Variants in FBRS observed in about 807,000 individuals in gnomAD.
FBRS encodes the protein probable fibrosin-1.
A neutral mutation model predicts 86.1 loss-of-function variants in FBRS; 15 were observed. The observed-to-expected ratio is 0.17, with a 90% confidence interval of 0.12 to 0.27. FBRS has a LOEUF of 0.27. FBRS is among the 10% of genes least tolerant of loss of function. The probability of loss-of-function intolerance (pLI) is 1.00; values close to 1 mark genes in which losing one functional copy is unlikely to be tolerated. For synonymous variants in FBRS, 666 were observed against 575.8 expected (o/e 1.16, Z -2.24); for missense variants, 1,367 against 1,301.6 (o/e 1.05, Z -0.77).
chr16:30,664,929 C>T lies in FBRS; in HGVS notation c.1563+9C>T. 1 of 1,610,170 alleles carries T rather than the reference C, an allele frequency of 6.2e-7. No individual in the cohort carries two copies. Among genetic ancestry groups the T allele is most frequent in the Non-Finnish European group, 8.5e-7 (1 of 1,177,964 alleles). On this transcript the variant is annotated intron_variant, in intron 8 of 17. Transcript: ENST00000356166. ...CCCACGGCCCCCACATGGTGAGCTC[C>T]TCATTGGGCTGGCGATGAGGCTCGG...
intron 6 of FBRS, 154 bp downstream of exon 6, chr16:30,663,013 ATTT>A (rs1463998950): frequency 3.2e-6 from 4 of 1,259,638 alleles, no homozygotes. Flanking sequence ...TGCAGGACTT[ATTT>A]GAGTCCGTTA....
At position 30,666,521 on chromosome 16, in the gene FBRS, C is replaced by T; in HGVS notation, c.1783C>T (p.His595Tyr). 6.2e-7 allele frequency: 1 copy of T among 1,613,996 alleles called. No homozygotes were observed. The highest frequency in any genetic ancestry group is 8.5e-7 in the Non-Finnish European group (1 of 1,179,902). ...LSQKGTQIPD[H>Y]FRPPLRKPGK... ...CCTTTGCCATCCCCAGATCCCCGAC[C>T]ATTTCCGGCCACCTTTGAGGGTGAG... Residue 595 changes from histidine (H) to tyrosine (Y), a missense_variant, in exon 12 of 18, where the codon CAT (histidine) becomes TAT (tyrosine). His to Tyr is a moderately conservative substitution (Grantham distance 83). This residue lies in a region of FBRS where 659 missense variants were observed against 678.8 expected (regional missense o/e 0.97). Transcript: ENST00000356166.
At chr16:30,663,264 A>T (rs2151268188) in intron 6 of FBRS, among the ~76,000 whole-genome samples, 1 of 152,244 alleles carries the variant, frequency 6.6e-6, no homozygotes, top group African/African-American at 2.4e-5. Context: ...CTGAGCCTCG[A>T]TTTCCTCTTT....
rs1402907048 is a variant in FBRS at position 30,662,840 on chromosome 16, C to G, written c.1036C>G (p.Leu346Val). The change falls in exon 6 of 18, where the codon CTG (leucine) becomes GTG (valine). Residue 346 changes from leucine to valine, a missense_variant. Coordinates refer to ENST00000356166, the MANE Select transcript of FBRS (RefSeq NM_001105079.3). ...GLRTSPYGSS[L>V]DLSTGSSSRP... ...CCGCACTTCTCCATATGGCAGCAGC[C>G]TGGACCTCAGCACTGGCAGGTGAGT... is the stretch of plus-strand genomic sequence containing the variant. 6 of 1,455,200 alleles carry G rather than the reference C, an allele frequency of 4.1e-6. No homozygotes were observed. The highest frequency in any genetic ancestry group is 5.5e-6 in the Non-Finnish European group (6 of 1,099,402). 90.1% of individuals were successfully genotyped at this position (1,455,200 alleles called of 1,614,324 possible).
In FBRS at chr16:30,660,391, G is replaced by C; in HGVS notation, c.588G>C (p.Arg196=). ...ACAGCTCTGATCGAGAGCCTGGCCG[G>C]CCCCCTGGGGATCGGGCCCGAAAAT... ...PGDSSDREPG[R]PPGDRARKWP... Residue 196 remains arginine (R), a synonymous_variant, in exon 2 of 18, where the codon CGG becomes CGC. Transcript: ENST00000356166. 1 of 1,262,276 alleles carries C rather than the reference G, an allele frequency of 7.9e-7. No individual in the cohort carries two copies. Among genetic ancestry groups the C allele is most frequent in the Non-Finnish European group, 1.0e-6 (1 of 994,458 alleles). 78.2% of individuals were successfully genotyped at this position (1,262,276 alleles called of 1,614,324 possible). A position where few individuals can be genotyped will look rare whatever the true frequency, so the allele number is the denominator to read the frequency against.
Position 30,665,300 on chromosome 16 carries a change from C to T in FBRS, c.1609-6C>T, listed in dbSNP as rs1293746008. 6 of 1,559,486 alleles carry T rather than the reference C, an allele frequency of 3.8e-6. No individual in the cohort carries two copies. The East Asian group carries it at 1.2e-4, about 31-fold the overall frequency. On this transcript the variant is annotated splice_region_variant and splice_polypyrimidine_tract_variant and intron_variant, in intron 9 of 17. Transcript: ENST00000356166. This position sits in a 1 kb window ranked among gnomAD's most constrained non-coding sequence, Gnocchi z 4.1. ...CCACCTGTACTAGTCCCCCTTCTCT[C>T]CACAGCCGTACACGGCCTTCCCTCC...
chr16:30,661,036 C>T (rs2052453825), intron 2 of FBRS, 144 bp from the exon 3 acceptor site: 12 of 1,298,170 alleles, frequency 9.2e-6, no homozygotes, highest in South Asian at 1.3e-5. Flanking sequence ...CACTGGGACC[C>T]GGGTGGGCAG....
chr16:30,667,399 A>G lies in FBRS; in HGVS notation c.1955A>G (p.Gln652Arg). The G allele has an allele frequency of 6.4e-7, 1 of 1,551,066 alleles. No homozygotes were observed. The highest frequency in any genetic ancestry group is 8.7e-7 in the Non-Finnish European group (1 of 1,146,594). ...CCCTATGGGGCCCTGCCCCCTGGGC[A>G]GGAGCTCTCCCACCCGGCCTCCCTC... ...PGPYGALPPG[Q>R]ELSHPASLFT... Residue 652 changes from glutamine to arginine, a missense_variant, in exon 14 of 18, where the codon CAG becomes CGG. This residue lies in a region of FBRS where 659 missense variants were observed against 678.8 expected (regional missense o/e 0.97). Transcript: ENST00000356166.
intron 6 of FBRS, 58 bp downstream of exon 6, chr16:30,662,917 G>A (rs1567544774): frequency 7.2e-7 from 1 of 1,390,724 alleles, no homozygotes; most frequent in Admixed American, 3.4e-5. Context: ...TTGGTGGCGG[G>A]GACACAGGAT....
intron 2 of FBRS, 150 bp downstream of exon 2, chr16:30,660,592 G>A (rs1036233325): frequency 5.8e-6 from 7 of 1,217,240 alleles, no homozygotes; most frequent in Admixed American, 3.9e-5. Flanking sequence ...ACTCATCCGG[G>A]TCTGACGAAG....
chr16:30,666,466 G>A (rs1445568478), intron 11 of FBRS, 46 bp from the exon 12 acceptor site: 2 of 1,613,586 alleles, frequency 1.2e-6, no homozygotes, highest in Admixed American at 3.3e-5. Flanking sequence ...GCCTGGCCCA[G>A]GACTCGGGTC....
At chr16:30,668,719 A>ACAGGG in intron 16 of FBRS, 53 bp from the exon 17 acceptor site, 3 of 1,583,958 alleles carry the variant, frequency 1.9e-6, no homozygotes, top group Non-Finnish European at 2.6e-6. Context: ...GGAGGCCTGA[A>ACAGGG]CAGGGCCTCC....
At chr16:30,666,212 C>G (rs557695614) in intron 11 of FBRS, 103 of 567,560 alleles carry the variant, frequency 1.8e-4, no homozygotes, top group Non-Finnish European at 2.6e-4. Context: ...AAACAGACCG[C>G]TATACTCTAA....
chr16:30,665,855 T>C lies in FBRS; in HGVS notation c.1773+149T>C. 1.5e-6 allele frequency: 1 copy of C among 682,662 alleles called. No homozygotes were observed. Among genetic ancestry groups the C allele is most frequent in the South Asian group, 2.0e-5 (1 of 49,870 alleles). The allele number at this position is 682,662 out of a possible 1,614,324, so 42.3% of individuals were successfully genotyped here. On this transcript the variant is annotated intron_variant, in intron 11 of 17. Transcript: ENST00000356166. The surrounding 1 kb of genome is among the most constrained non-coding windows in gnomAD (Gnocchi z 4.1). ...CTAATAGAGAGGGAATTTCTGTAAATAGCTGGCTTTCCCAGGCATGAGGAA... is the reference window on the plus strand; with the variant it reads ...CTAATAGAGAGGGAATTTCTGTAAACAGCTGGCTTTCCCAGGCATGAGGAA...
At chr16:30,660,776 A>C (rs67128646) in intron 2 of FBRS, among the ~76,000 whole-genome samples, 43,611 of 152,000 alleles carry the variant, frequency 0.29, 6,900 homozygotes, top group South Asian at 0.68. Context: ...GCAAGCAAAC[A>C]CCTAGACCTT....
At position 30,668,955 on chromosome 16, in the gene FBRS, C is replaced by T. The variant is rs567855481; in HGVS notation, c.2342C>T (p.Ser781Phe). 6.3e-7 allele frequency: 1 copy of T among 1,585,344 alleles called. No individual in the cohort carries two copies. Among genetic ancestry groups the T allele is most frequent in the Admixed American group, 1.8e-5 (1 of 56,232 alleles). The change falls in exon 17 of 18, where the codon TCC becomes TTC. Residue 781 changes from serine to phenylalanine, a missense_variant. Physicochemically the swap from Ser to Phe is radical, Grantham distance 155. This residue lies in a region of FBRS where 659 missense variants were observed against 678.8 expected (regional missense o/e 0.97). Coordinates refer to ENST00000356166, the MANE Select transcript of FBRS (RefSeq NM_001105079.3). ...KERPVERREP[S>F]ITKEEKDRDL... ...CGGCCTGTGGAGCGGAGGGAGCCCTCCATCACCAAGGAGGAGAAGGACAGG... is the reference window on the plus strand; with the variant it reads ...CGGCCTGTGGAGCGGAGGGAGCCCTTCATCACCAAGGAGGAGAAGGACAGG...
intron 2 of FBRS, 182 bp downstream of exon 2, chr16:30,660,624 C>T (rs2052448252): frequency 8.1e-6 from 8 of 991,484 alleles, no homozygotes; most frequent in Middle Eastern, 3.6e-4. Flanking sequence ...GTCAGGTGCA[C>T]CTCCTTTTGC....
At position 30,668,609 on chromosome 16, in the gene FBRS, C is replaced by T. The variant is rs756643451; in HGVS notation, c.2124C>T (p.Asn708=). Residue 708 remains asparagine (N), a synonymous_variant, in exon 16 of 18, where the codon AAC becomes AAT. Transcript: ENST00000356166. The part of the protein sequence containing the change: ...TSFASLAALS[N]GAFGGLGSPT... Reference sequence around the variant, plus strand: ...TCGCCTCTTTGGCTGCCCTCTCCAACGGGGCCTTTGGAGGCCTGGGCAGCC... The same window carrying T: ...TCGCCTCTTTGGCTGCCCTCTCCAATGGGGCCTTTGGAGGCCTGGGCAGCC... 7 of 1,608,500 alleles carry T rather than the reference C, an allele frequency of 4.4e-6. No homozygotes were observed. Among genetic ancestry groups the T allele is most frequent in the East Asian group, 4.5e-5 (2 of 44,586 alleles).
In FBRS at chr16:30,665,117, T is replaced by C. The variant is rs776360439; in HGVS notation, c.1608+38T>C. 5 of 1,603,672 alleles carry C rather than the reference T, an allele frequency of 3.1e-6. No homozygotes were observed. In the African/African-American group the frequency reaches 5.3e-5, roughly 17 times the overall value. On this transcript the variant is annotated intron_variant, in intron 9 of 17. Coordinates refer to ENST00000356166, the MANE Select transcript of FBRS (RefSeq NM_001105079.3). The surrounding 1 kb of genome is among the most constrained non-coding windows in gnomAD (Gnocchi z 4.1). ...GTGCGTGTGCGTATGGGGTGTGTGG[T>C]GTGGGCGTGGATGCATCCATGCTTG...
Sources: gnomAD v4.1 joint callset for allele counts (sites outside exome capture counted in the v4.1 genomes callset) on GRCh38, gnomAD v4.1.1 for gene constraint, gnomAD v4.1.1 regional missense constraint, Gnocchi (gnomAD v3.1) non-coding constraint, MANE v1.5 for transcripts, NCBI Gene and HGNC (gene_info 2026-07-23, HGNC 2026-07-21) for gene names.